The following NTRK2 variants were observed in gnomAD, a reference collection of about 807,000 sequenced individuals.
NTRK2 encodes BDNF/NT-3 growth factors receptor.
Under a neutral mutation model 94.5 loss-of-function variants are expected in NTRK2, and 13 were observed. The observed-to-expected ratio is 0.14, with a 90% CI of 0.09 to 0.22. NTRK2 has a LOEUF of 0.22. NTRK2 is among the 10% of genes least tolerant of loss of function. The pLI is 1.00. For synonymous variants in NTRK2, 372 were observed against 407.4 expected (o/e 0.91, Z 1.05); for missense variants, 639 against 1,071.2 (o/e 0.60, Z 5.63).
At chr9:85,018,410 T>C (rs1832468714) in intron 17 of NTRK2, among the ~76,000 whole-genome samples, 1 of 152,018 alleles carries the variant, frequency 6.6e-6, no homozygotes, top group Non-Finnish European at 1.5e-5. Flanking sequence ...AACAGAAGGG[T>C]CATTTGCCCA....
intron 12 of NTRK2, among the ~76,000 whole-genome samples, 195 bp downstream of exon 12, chr9:84,752,280 T>C (rs2064698721): frequency 6.6e-6 from 1 of 152,208 alleles, no homozygotes; most frequent in Admixed American, 6.5e-5. Flanking sequence ...CTACCCACTT[T>C]TCCATGAGAA....
intron 12 of NTRK2, among the ~76,000 whole-genome samples, chr9:84,809,893 A>C (rs2133536689): frequency 6.6e-6 from 1 of 150,514 alleles, no homozygotes; most frequent in Admixed American, 6.6e-5. Context: ...AAAAAAAAAA[A>C]AAAAAAAAAG....
chr9:84,878,965 G>A (rs1228655519), intron 14 of NTRK2, among the ~76,000 whole-genome samples: 1 of 152,188 alleles, frequency 6.6e-6, no homozygotes, highest in Non-Finnish European at 1.5e-5. Flanking sequence ...CCTTGGAGAT[G>A]CAGTCCCCTG....
intron 2 of NTRK2, among the ~76,000 whole-genome samples, chr9:84,681,189 C>T (rs1051880444): frequency 6.6e-6 from 1 of 152,134 alleles, no homozygotes; most frequent in African/African-American, 2.4e-5. Flanking sequence ...CTCATGTGTG[C>T]AATACCCCTC....
At chr9:85,011,616 G>T (rs1831581433) in intron 17 of NTRK2, among the ~76,000 whole-genome samples, 1 of 152,188 alleles carries the variant, frequency 6.6e-6, no homozygotes, top group Non-Finnish European at 1.5e-5. Context: ...GTCAGGAAGA[G>T]AACCCTCTCC....
chr9:84,798,447 A>G (rs1388842087), intron 12 of NTRK2, among the ~76,000 whole-genome samples: 4 of 152,312 alleles, frequency 2.6e-5, no homozygotes, highest in Admixed American at 2.6e-4. Context: ...GTCTCACCAT[A>G]TTGTATTTCA....
rs532754611 is a variant in NTRK2, at chr9:85,024,881, G to T, written c.*3444G>T. On this transcript the variant is annotated 3_prime_UTR_variant, in exon 19 of 19. Transcript: ENST00000277120. Reference sequence around the variant, plus strand: ...ATATTATACATGTGTTCACATCAGCGCTACCTGTGATGTTTTCATGTATTT... The same window carrying T: ...ATATTATACATGTGTTCACATCAGCTCTACCTGTGATGTTTTCATGTATTT... The T allele has an allele frequency of 8.6e-6, 2 of 232,740 alleles. No individual in the cohort carries two copies. Among genetic ancestry groups the T allele is most frequent in the East Asian group, 1.2e-4 (2 of 16,482 alleles). 14.4% of individuals were successfully genotyped at this position (232,740 alleles called of 1,614,324 possible).
intron 12 of NTRK2, 109 bp from the exon 13 acceptor site, chr9:84,860,930 TA>T: frequency 1.4e-5 from 7 of 502,576 alleles, no homozygotes; most frequent in East Asian, 3.6e-5. Context: ...TTTATTTATT[TA>T]TTTTTGTCGG....
chr9:84,966,280 C>CAGAGT (rs1474952837), intron 17 of NTRK2, among the ~76,000 whole-genome samples: 2 of 152,178 alleles, frequency 1.3e-5, no homozygotes, highest in African/African-American at 4.8e-5. Context: ...CTGAATACCC[C>CAGAGT]AGAGTGTCTT....
At chr9:84,842,865 T>C (rs1394342691) in intron 12 of NTRK2, among the ~76,000 whole-genome samples, 1 of 152,238 alleles carries the variant, frequency 6.6e-6, no homozygotes, top group Non-Finnish European at 1.5e-5. Flanking sequence ...AACCCAGTTT[T>C]CCAGAAGTTT....
chr9:84,736,415 C>T (rs1001404026), intron 9 of NTRK2, among the ~76,000 whole-genome samples: 2 of 152,174 alleles, frequency 1.3e-5, no homozygotes, highest in Admixed American at 6.5e-5. Flanking sequence ...GAGCTCTCTG[C>T]GGCACTTAGA....
At chr9:84,917,879 C>T (rs1292604788) in intron 14 of NTRK2, among the ~76,000 whole-genome samples, 3 of 152,134 alleles carry the variant, frequency 2.0e-5, no homozygotes, top group South Asian at 2.1e-4. Context: ...CTGCCCACCT[C>T]CTGGGAGGCA....
chr9:85,020,443 T>A (rs2117959699), intron 18 of NTRK2, 79 bp downstream of exon 18: 3 of 1,485,422 alleles, frequency 2.0e-6, no homozygotes, highest in Non-Finnish European at 2.8e-6. Context: ...TTGTTTTGGG[T>A]TGGAAGACCA....
At chr9:84,895,183 C>T (rs767844289) in intron 14 of NTRK2, among the ~76,000 whole-genome samples, 13 of 152,168 alleles carry the variant, frequency 8.5e-5, no homozygotes, top group Non-Finnish European at 1.6e-4. Context: ...TAAAGACATA[C>T]TTTGCAACTT....
At chr9:84,778,232 C>T (rs553889830) in intron 12 of NTRK2, among the ~76,000 whole-genome samples, 1 of 152,296 alleles carries the variant, frequency 6.6e-6, no homozygotes, top group African/African-American at 2.4e-5. Flanking sequence ...CACTGTACTC[C>T]ATCCTGGGTG....
intron 17 of NTRK2, among the ~76,000 whole-genome samples, chr9:84,991,786 C>T (rs946159049): frequency 6.6e-6 from 1 of 152,156 alleles, no homozygotes; most frequent in Non-Finnish European, 1.5e-5. Flanking sequence ...CTTGCAGTTC[C>T]TCTCACACGA....
At chr9:84,912,411 G>A (rs981229056) in intron 14 of NTRK2, among the ~76,000 whole-genome samples, 6 of 151,896 alleles carry the variant, frequency 4.0e-5, no homozygotes, top group South Asian at 2.1e-4. Flanking sequence ...GTTTGTCCTC[G>A]TATGGTTTTC....
intron 14 of NTRK2, among the ~76,000 whole-genome samples, chr9:84,919,830 C>T (rs1236695863): frequency 1.3e-5 from 2 of 152,124 alleles, no homozygotes; most frequent in African/African-American, 2.4e-5. Flanking sequence ...TTAGGATTAC[C>T]ATTCTGTTCT....
Position 84,977,825 on chromosome 9 carries a change from A to G in NTRK2, c.2172+22308A>G, listed in dbSNP as rs182104958. The stretch of plus-strand genomic sequence containing the variant: ...GCCATTTTTCCAACTGCATGGGCTC[A>G]CTTCATGTCTCTGTGTCACATTTTG... On this transcript the variant is annotated intron_variant, in intron 17 of 18. Transcript: ENST00000277120. 3.9e-5 allele frequency among the ~76,000 whole-genome samples: 6 copies of G among 152,354 alleles called. No homozygotes were observed. The East Asian group carries it at 1.2e-3, about 29-fold the overall frequency.
Sources: gnomAD v4.1 joint callset for allele counts (sites outside exome capture counted in the v4.1 genomes callset) on GRCh38, gnomAD v4.1.1 for gene constraint, MANE v1.5 for transcripts, NCBI Gene and HGNC (gene_info 2026-07-23, HGNC 2026-07-21) for gene names.